The following AFF3 variants were observed in gnomAD, a reference collection of about 807,000 sequenced individuals.
The protein encoded by AFF3 is AF4/FMR2 family member 3.
Under a neutral mutation model 129.7 loss-of-function variants are expected in AFF3, and 32 were observed. The observed-to-expected ratio is 0.25, with a 90% CI of 0.19 to 0.33. The LOEUF (loss-of-function observed/expected upper bound fraction) is 0.33, where lower values mean the gene tolerates loss of function less well. AFF3 is among the 10% of genes least tolerant of loss of function. The pLI, the probability that AFF3 is intolerant of heterozygous loss-of-function variation, is 1.00. For synonymous variants in AFF3, 644 were observed against 635.4 expected, an observed-to-expected ratio of 1.01 and a Z score of -0.20; for missense variants, 1,373 against 1,592.0, an observed-to-expected ratio of 0.86 and a Z score of 2.34.
intron 4 of AFF3, among the ~76,000 whole-genome samples, chr2:100,047,117 C>G (rs1445133508): frequency 6.6e-6 from 1 of 152,162 alleles, no homozygotes; most frequent in Non-Finnish European, 1.5e-5. Context: ...GTTTCTTGGT[C>G]CCGACGGCCA....
intron 8 of AFF3, among the ~76,000 whole-genome samples, chr2:99,832,788 T>C (rs1407829531): frequency 6.6e-6 from 1 of 152,196 alleles, no homozygotes; most frequent in East Asian, 1.9e-4. Context: ...CTGACTTTTG[T>C]TTTGAGTTTA....
intron 8 of AFF3, among the ~76,000 whole-genome samples, chr2:99,779,117 G>C (rs1684192466): frequency 6.6e-6 from 1 of 152,144 alleles, no homozygotes; most frequent in East Asian, 1.9e-4. Context: ...CGATCTTAGG[G>C]GGAAAGCATC....
intron 7 of AFF3, among the ~76,000 whole-genome samples, chr2:99,900,497 C>T (rs1338038443): frequency 6.6e-6 from 1 of 152,142 alleles, no homozygotes; most frequent in Non-Finnish European, 1.5e-5. Flanking sequence ...TGCCTTCACA[C>T]AGACCACTGG....
intron 11 of AFF3, among the ~76,000 whole-genome samples, chr2:99,688,638 C>G (rs527502776): frequency 2.0e-5 from 3 of 152,040 alleles, no homozygotes; most frequent in African/African-American, 7.3e-5. Context: ...ATGATTCTAC[C>G]CCTTTCTGGC....
intron 11 of AFF3, among the ~76,000 whole-genome samples, chr2:99,716,895 T>A (rs200176592): frequency 0.043 from 6,270 of 146,586 alleles, 195 homozygotes; most frequent in Non-Finnish European, 0.057. Context: ...AAAAAAAATA[T>A]ATATATATAT....
At chr2:99,588,887 T>C (rs1678386495) in intron 15 of AFF3, among the ~76,000 whole-genome samples, 1 of 152,242 alleles carries the variant, frequency 6.6e-6, no homozygotes, top group South Asian at 2.1e-4. Context: ...GTTCTTTCAC[T>C]TCTCTTGTGT....
intron 11 of AFF3, among the ~76,000 whole-genome samples, chr2:99,724,782 C>T (rs192454604): frequency 3.2e-4 from 49 of 152,196 alleles, no homozygotes; most frequent in African/African-American, 1.1e-3. Flanking sequence ...GTCTCTTGAG[C>T]GGTTTCAAGT....
At chr2:100,076,550 G>A (rs1269392723) in intron 4 of AFF3, among the ~76,000 whole-genome samples, 1 of 152,128 alleles carries the variant, frequency 6.6e-6, no homozygotes, top group Non-Finnish European at 1.5e-5. Context: ...CCAGCCCCGG[G>A]AACCCATTTC....
chr2:100,105,134 C>T, intron 3 of AFF3: 1 of 192,182 alleles, frequency 5.2e-6, no homozygotes, highest in Non-Finnish European at 9.6e-6. Context: ...CCGGCCCTGT[C>T]GCATCCCTCG....
chr2:99,655,545 G>A (rs1484971162), intron 12 of AFF3, among the ~76,000 whole-genome samples: 1 of 152,134 alleles, frequency 6.6e-6, no homozygotes, highest in South Asian at 2.1e-4. Flanking sequence ...ACTGTGCTGC[G>A]GTTCGGCAAG....
chr2:99,876,977 A>G (rs4850917), intron 7 of AFF3, among the ~76,000 whole-genome samples: 58,214 of 152,042 alleles, frequency 0.38, 11,474 homozygotes, highest in East Asian at 0.54. Context: ...GCAAAAGAGT[A>G]GAAACTGAAT....
chr2:99,811,048 T>A (rs1030582648), intron 8 of AFF3, among the ~76,000 whole-genome samples: 1 of 152,202 alleles, frequency 6.6e-6, no homozygotes, highest in African/African-American at 2.4e-5. Flanking sequence ...GCAACTTTAA[T>A]TCCCTCTTGC....
chr2:99,620,457 C>T (rs927896863), intron 13 of AFF3, among the ~76,000 whole-genome samples: 4 of 152,100 alleles, frequency 2.6e-5, no homozygotes, highest in African/African-American at 9.7e-5. Context: ...AGTGAGACCC[C>T]TGTTTCTGCA....
At chr2:99,555,733 C>G (rs1016697829) in intron 22 of AFF3, among the ~76,000 whole-genome samples, 1 of 152,156 alleles carries the variant, frequency 6.6e-6, no homozygotes, top group Non-Finnish European at 1.5e-5. Context: ...CCAGAGACAA[C>G]ATGTTTCTTT....
chr2:99,683,026 C>T (rs1674676063), intron 11 of AFF3, among the ~76,000 whole-genome samples: 1 of 152,186 alleles, frequency 6.6e-6, no homozygotes, highest in South Asian at 2.1e-4. Context: ...GTTGGTCCCC[C>T]TTCCCTGGCC....
intron 8 of AFF3, among the ~76,000 whole-genome samples, chr2:99,834,346 A>G (rs1265495280): frequency 6.6e-6 from 1 of 152,218 alleles, no homozygotes; most frequent in African/African-American, 2.4e-5. Context: ...GAATGTTACC[A>G]ATGCCTACCT....
chr2:99,928,490 C>T (rs1201499320), intron 7 of AFF3, among the ~76,000 whole-genome samples: 1 of 152,160 alleles, frequency 6.6e-6, no homozygotes, highest in East Asian at 1.9e-4. Flanking sequence ...CACCTAATTA[C>T]ATTTCTATAA....
intron 9 of AFF3, among the ~76,000 whole-genome samples, chr2:99,749,057 T>C (rs777202349): frequency 1.3e-5 from 2 of 152,228 alleles, no homozygotes; most frequent in African/African-American, 2.4e-5. Context: ...TGTGTATGAA[T>C]AATATATGAT....
At position 99,916,428 on chromosome 2, in the gene AFF3, T is replaced by C. The variant is rs527508738; in HGVS notation, c.874-78904A>G. Among the ~76,000 whole-genome samples, 167 of 152,286 alleles carry C rather than the reference T, an allele frequency of 1.1e-3. 6 individuals carry two copies. In the South Asian group the frequency reaches 0.034, roughly 31 times the overall value. ...GCCCTGGGAGGTCAGGGGATCTACATGCCTCGCCTCCTGCCATGTCCGCAA... is the reference window on the plus strand; with the variant it reads ...GCCCTGGGAGGTCAGGGGATCTACACGCCTCGCCTCCTGCCATGTCCGCAA... On this transcript the variant is annotated intron_variant, in intron 7 of 24. Coordinates refer to ENST00000672756, the MANE Select transcript of AFF3 (RefSeq NM_001386135.1).
Sources: gnomAD v4.1 joint callset for allele counts (sites outside exome capture counted in the v4.1 genomes callset) on GRCh38, gnomAD v4.1.1 for gene constraint, MANE v1.5 for transcripts, NCBI Gene and HGNC (gene_info 2026-07-23, HGNC 2026-07-21) for gene names.